RXRB: variants seen among roughly 807,000 people sequenced by gnomAD.
RXRB encodes the protein retinoic acid receptor RXR-beta.
A neutral mutation model predicts 52.5 loss-of-function variants in RXRB; 18 were observed. The observed-to-expected ratio is 0.34, with a 90% confidence interval of 0.24 to 0.51. The LOEUF is 0.51. Ranked by LOEUF, RXRB falls within the 20% of genes least tolerant of loss-of-function variation. The probability of loss-of-function intolerance (pLI) is 0.97; values close to 1 mark genes in which losing one functional copy is unlikely to be tolerated. For missense variants in RXRB, 455 were observed against 698.2 expected (o/e 0.65, Z 3.92); for synonymous variants, 233 against 267.1 (o/e 0.87, Z 1.25).
rs1313972516 is a variant in RXRB at position 33,200,034 on chromosome 6, C to T, written c.235+208G>A. 1.2e-6 allele frequency: 1 copy of T among 825,196 alleles called. No individual in the cohort carries two copies. Among genetic ancestry groups the T allele is most frequent in the Admixed American group, 1.7e-5 (1 of 59,072 alleles). The allele number at this position is 825,196 out of a possible 1,614,324, so 51.1% of individuals were successfully genotyped here. A position where few individuals can be genotyped will look rare whatever the true frequency, so the allele number is the denominator to read the frequency against. On this transcript the variant is annotated intron_variant, in intron 1 of 9. Coordinates refer to ENST00000374680, the MANE Select transcript of RXRB (RefSeq NM_021976.5). This position sits in a 1 kb window ranked among gnomAD's most constrained non-coding sequence, Gnocchi z 6.3. The stretch of plus-strand genomic sequence containing the variant: ...GCCCGCGACCTCCGGTGCCCAAGGC[C>T]TCAAGCGGTCACAGCTAGGAGGGCG...
rs1349362129 is a variant in RXRB at position 33,200,235 on chromosome 6, C to T, written c.235+7G>A. On this transcript the variant is annotated splice_region_variant and intron_variant, in intron 1 of 9. Transcript: ENST00000374680. The surrounding 1 kb of genome is among the most constrained non-coding windows in gnomAD (Gnocchi z 6.3). ...TGGCTCGCCTGCCCTTCTGCTGGGG[C>T]ACTCACCCCGCCCGCTGTCGCCCAT... 1 of 1,604,984 alleles carries T rather than the reference C, an allele frequency of 6.2e-7. No homozygotes were observed. The highest frequency in any genetic ancestry group is 8.5e-7 in the Non-Finnish European group (1 of 1,177,330).
rs774721704 is a variant in RXRB at position 33,195,571 on chromosome 6, G to C, written c.1255C>G (p.Arg419Gly). 2 of 1,613,064 alleles carry C rather than the reference G, an allele frequency of 1.2e-6. No individual in the cohort carries two copies. The highest frequency in any genetic ancestry group is 1.7e-6 in the Non-Finnish European group (2 of 1,180,028). Residue 419 changes from arginine to glycine, a missense_variant and splice_region_variant, in exon 7 of 10, where the codon CGG becomes GGG. Physicochemically the swap from Arg to Gly is moderately radical, Grantham distance 125. Transcript: ENST00000374680. The surrounding 1 kb of genome is among the most constrained non-coding windows in gnomAD (Gnocchi z 8.6). ...HSAGVGAIFD[R>G]VLTELVSKMR... ...CCAGCCTAGCCGAGGGCCACTGACC[G>C]ATCAAAGATGGCTCCTACTCCTGCT... is the stretch of plus-strand genomic sequence containing the variant.
Position 33,194,474 on chromosome 6 carries a change from A to C in RXRB, c.*208T>G. On this transcript the variant is annotated 3_prime_UTR_variant, in exon 10 of 10. Coordinates refer to ENST00000374680, the MANE Select transcript of RXRB (RefSeq NM_021976.5). This position sits in a 1 kb window ranked among gnomAD's most constrained non-coding sequence, Gnocchi z 4.1. ...TCAGAGACTCAAGGCCACCGAAGAG[A>C]GACAACCAGTCCTCACAGGTATCTG... is the stretch of plus-strand genomic sequence containing the variant. 1.9e-6 allele frequency: 1 copy of C among 534,452 alleles called. No individual in the cohort carries two copies. The highest frequency in any genetic ancestry group is 3.3e-6 in the Non-Finnish European group (1 of 306,736). 33.1% of individuals were successfully genotyped at this position (534,452 alleles called of 1,614,324 possible). A position where few individuals can be genotyped will look rare whatever the true frequency, so the allele number is the denominator to read the frequency against.
rs964686488 is a variant in RXRB at position 33,196,217 on chromosome 6, C to G, written c.994-181G>C. 4.2e-6 allele frequency: 4 copies of G among 942,402 alleles called. No individual in the cohort carries two copies. The highest frequency in any genetic ancestry group is 1.4e-5 in the South Asian group (1 of 69,986). The allele number at this position is 942,402 out of a possible 1,614,324, so 58.4% of individuals were successfully genotyped here. A position where few individuals can be genotyped will look rare whatever the true frequency, so the allele number is the denominator to read the frequency against. On this transcript the variant is annotated intron_variant, in intron 5 of 9. Coordinates refer to ENST00000374680, the MANE Select transcript of RXRB (RefSeq NM_021976.5). This position sits in a 1 kb window ranked among gnomAD's most constrained non-coding sequence, Gnocchi z 4.0. ...CAAACAATTATTTATTTGGGACATG[C>G]CTATGGTTCTGCCAGTGGGTTGTTT...
chr6:33,196,219 T>A lies in RXRB; in HGVS notation c.994-183A>T. ...AACAATTATTTATTTGGGACATGCC[T>A]ATGGTTCTGCCAGTGGGTTGTTTGG... On this transcript the variant is annotated intron_variant, in intron 5 of 9. Transcript: ENST00000374680. The surrounding 1 kb of genome is among the most constrained non-coding windows in gnomAD (Gnocchi z 4.0). 1.1e-6 allele frequency: 1 copy of A among 939,596 alleles called. No homozygotes were observed. Among genetic ancestry groups the A allele is most frequent in the Non-Finnish European group, 1.7e-6 (1 of 599,870 alleles). 58.2% of individuals were successfully genotyped at this position (939,596 alleles called of 1,614,324 possible). A position where few individuals can be genotyped will look rare whatever the true frequency, so the allele number is the denominator to read the frequency against.
Position 33,199,354 on chromosome 6 carries a change from G to A in RXRB, c.298C>T (p.Pro100Ser). The change falls in exon 2 of 10, where the codon CCT (proline) becomes TCT (serine). Residue 100 changes from proline to serine, a missense_variant. Transcript: ENST00000374680. ...GAAGGGGGTAGGGGTGGCCCAGGAG[G>A]AGAAGGGGGAGGGACTCCCTGGGGA... is the stretch of plus-strand genomic sequence containing the variant. ...PLPQGVPPPS[P>S]PGPPLPPSTA... 8.1e-7 allele frequency: 1 copy of A among 1,228,492 alleles called. No homozygotes were observed. The highest frequency in any genetic ancestry group is 1.0e-6 in the Non-Finnish European group (1 of 971,988). The allele number at this position is 1,228,492 out of a possible 1,614,324, so 76.1% of individuals were successfully genotyped here.
At position 33,195,122 on chromosome 6, in the gene RXRB, G is replaced by C; in HGVS notation, c.1349-72C>G. On this transcript the variant is annotated intron_variant, in intron 8 of 9. Coordinates refer to ENST00000374680, the MANE Select transcript of RXRB (RefSeq NM_021976.5). This position sits in a 1 kb window ranked among gnomAD's most constrained non-coding sequence, Gnocchi z 8.6. ...AATCAGGATGGCCATGCAGATGTGA[G>C]CCACAGGATGCCCCTTTTGGGCTGC... 1 of 1,106,824 alleles carries C rather than the reference G, an allele frequency of 9.0e-7. No homozygotes were observed. The highest frequency in any genetic ancestry group is 1.4e-6 in the Non-Finnish European group (1 of 726,860). The allele number at this position is 1,106,824 out of a possible 1,614,324, so 68.6% of individuals were successfully genotyped here. A position where few individuals can be genotyped will look rare whatever the true frequency, so the allele number is the denominator to read the frequency against.
Position 33,199,394 on chromosome 6 carries a change from G to A in RXRB, c.258C>T (p.Ser86=). The A allele has an allele frequency of 8.0e-7, 1 of 1,252,590 alleles. No homozygotes were observed. Among genetic ancestry groups the A allele is most frequent in the Non-Finnish European group, 1.0e-6 (1 of 990,224 alleles). The allele number at this position is 1,252,590 out of a possible 1,614,324, so 77.6% of individuals were successfully genotyped here. ...CTCCCTGGGGAAGGGGATTTGGGGA[G>A]GAGCTGTCTGGGCTTCGGGAGTCTG... is the stretch of plus-strand genomic sequence containing the variant. ...SGRDSRSPDS[S]SPNPLPQGVP... The change falls in exon 2 of 10, where the codon TCC becomes TCT. Residue 86 remains serine, a synonymous_variant. Coordinates refer to ENST00000374680, the MANE Select transcript of RXRB (RefSeq NM_021976.5).
chr6:33,200,527 G>A lies in RXRB; in HGVS notation c.-51C>T. ...CGAAGAGGTCCCAGGGATTCCCAAG[G>A]ATTGATCGGAGGATTAGCTGAGCAC... On this transcript the variant is annotated 5_prime_UTR_variant, in exon 1 of 10. Coordinates refer to ENST00000374680, the MANE Select transcript of RXRB (RefSeq NM_021976.5). The surrounding 1 kb of genome is among the most constrained non-coding windows in gnomAD (Gnocchi z 6.3). 2 of 1,535,310 alleles carry A rather than the reference G, an allele frequency of 1.3e-6. No homozygotes were observed. The highest frequency in any genetic ancestry group is 1.8e-6 in the Non-Finnish European group (2 of 1,142,034).
At position 33,194,543 on chromosome 6, in the gene RXRB, T is replaced by G; in HGVS notation, c.*139A>C. The G allele has an allele frequency of 2.4e-6, 2 of 850,550 alleles. No homozygotes were observed. Among genetic ancestry groups the G allele is most frequent in the Non-Finnish European group, 3.5e-6 (2 of 571,008 alleles). The allele number at this position is 850,550 out of a possible 1,614,324, so 52.7% of individuals were successfully genotyped here. A position where few individuals can be genotyped will look rare whatever the true frequency, so the allele number is the denominator to read the frequency against. On this transcript the variant is annotated 3_prime_UTR_variant, in exon 10 of 10. Transcript: ENST00000374680. The surrounding 1 kb of genome is among the most constrained non-coding windows in gnomAD (Gnocchi z 4.1). Reference sequence around the variant, plus strand: ...GATATCAAGCAGATCCCTTGGAGGGTTTATGTTCTTGGTTCTGCCCTGTAC... The same window carrying G: ...GATATCAAGCAGATCCCTTGGAGGGGTTATGTTCTTGGTTCTGCCCTGTAC...
In RXRB at chr6:33,194,999, ACT is replaced by A; in HGVS notation, c.1398_1399del (p.Lys466AsnfsTer15). ...GCAGTAGGTCTCCAGTGATGCATAC[ACT>A]TTCTCCCGCAGGACCTCCACCTCAC... On this transcript the variant is annotated frameshift_variant, in exon 9 of 10. Coordinates refer to ENST00000374680, the MANE Select transcript of RXRB (RefSeq NM_021976.5). LOFTEE classifies it high-confidence loss of function. This position sits in a 1 kb window ranked among gnomAD's most constrained non-coding sequence, Gnocchi z 4.1. The A allele has an allele frequency of 6.2e-7, 1 of 1,612,882 alleles. No homozygotes were observed. The highest frequency in any genetic ancestry group is 8.5e-7 in the Non-Finnish European group (1 of 1,179,998).
Position 33,199,350 on chromosome 6 carries a change from G to C in RXRB, c.302C>G (p.Pro101Arg). ...LPQGVPPPSP[P>R]GPPLPPSTAP... Reference sequence around the variant, plus strand: ...TGTTGAAGGGGGTAGGGGTGGCCCAGGAGGAGAAGGGGGAGGGACTCCCTG... The same window carrying C: ...TGTTGAAGGGGGTAGGGGTGGCCCACGAGGAGAAGGGGGAGGGACTCCCTG... Residue 101 changes from proline to arginine, a missense_variant, in exon 2 of 10, where the codon CCT (proline) becomes CGT (arginine). Physicochemically the swap from Pro to Arg is moderately radical, Grantham distance 103 (BLOSUM62 -2). Coordinates refer to ENST00000374680, the MANE Select transcript of RXRB (RefSeq NM_021976.5). 8.1e-7 allele frequency: 1 copy of C among 1,231,990 alleles called. No individual in the cohort carries two copies. The highest frequency in any genetic ancestry group is 1.0e-6 in the Non-Finnish European group (1 of 973,260). 76.3% of individuals were successfully genotyped at this position (1,231,990 alleles called of 1,614,324 possible).
At position 33,200,660 on chromosome 6, in the gene RXRB, G is replaced by A. The variant is rs1482071548; in HGVS notation, c.-184C>T. ...CCAATGTGGCAGCCATCTTTGTACA[G>A]ACGGGAAGTCTCGGCGCGAGTTCCC... On this transcript the variant is annotated 5_prime_UTR_variant, in exon 1 of 10. Transcript: ENST00000374680. The surrounding 1 kb of genome is among the most constrained non-coding windows in gnomAD (Gnocchi z 6.3). 6.5e-7 allele frequency: 1 copy of A among 1,536,580 alleles called. No individual in the cohort carries two copies. Among genetic ancestry groups the A allele is most frequent in the African/African-American group, 1.4e-5 (1 of 72,866 alleles).
chr6:33,194,873 C>T lies in RXRB; in HGVS notation c.1455-44G>A, dbSNP rs768662176. The T allele has an allele frequency of 2.1e-5, 34 of 1,611,570 alleles. No individual in the cohort carries two copies. The highest frequency in any genetic ancestry group is 2.5e-5 in the Non-Finnish European group (30 of 1,179,208). On this transcript the variant is annotated intron_variant, in intron 9 of 9. Coordinates refer to ENST00000374680, the MANE Select transcript of RXRB (RefSeq NM_021976.5). This position sits in a 1 kb window ranked among gnomAD's most constrained non-coding sequence, Gnocchi z 4.1. Reference sequence around the variant, plus strand: ...AAGGGGATTGAGAGCTGGAAGCACACGGGCCCTGAACACATCCTCATAGCA... The same window carrying T: ...AAGGGGATTGAGAGCTGGAAGCACATGGGCCCTGAACACATCCTCATAGCA...
chr6:33,199,506 C>A, intron 1 of RXRB, 90 bp from the exon 2 acceptor site: 2 of 1,033,814 alleles, frequency 1.9e-6, no homozygotes, highest in Non-Finnish European at 2.6e-6. Context: ...CAACTAGAGA[C>A]TTTAATTCTC....
At chr6:33,199,544 C>G in intron 1 of RXRB, 128 bp from the exon 2 acceptor site, 1 of 682,174 alleles carries the variant, frequency 1.5e-6, no homozygotes, top group Non-Finnish European at 2.2e-6. Context: ...GGACCCAGCC[C>G]ACTCCACCCA....
At position 33,200,209 on chromosome 6, in the gene RXRB, C is replaced by T. The variant is rs2744516; in HGVS notation, c.235+33G>A. ...GGAGGGGTCGCAGATAAAGCGGTCA[C>T]TGGCTCGCCTGCCCTTCTGCTGGGG... On this transcript the variant is annotated intron_variant, in intron 1 of 9. Coordinates refer to ENST00000374680, the MANE Select transcript of RXRB (RefSeq NM_021976.5). The surrounding 1 kb of genome is among the most constrained non-coding windows in gnomAD (Gnocchi z 6.3). 1.3e-6 allele frequency: 2 copies of T among 1,599,932 alleles called. No individual in the cohort carries two copies. Among genetic ancestry groups the T allele is most frequent in the Admixed American group, 1.7e-5 (1 of 59,610 alleles).
Position 33,197,885 on chromosome 6 carries a change from T to C in RXRB, c.697A>G (p.Ile233Val), listed in dbSNP as rs1452177697. ...CAAGAGTATGTAAGGTCTTTGCGGA[T>C]GGTGCGTTTGAAGAAGCCCTTGCAA... ...EGCKGFFKRT[I>V]RKDLTYSCRD... The change falls in exon 4 of 10, where the codon ATC becomes GTC. Residue 233 changes from isoleucine (I) to valine (V), a missense_variant. This residue lies in a region of RXRB where 100 missense variants were observed against 141.9 expected (regional missense o/e 0.70). Coordinates refer to ENST00000374680, the MANE Select transcript of RXRB (RefSeq NM_021976.5). This position sits in a 1 kb window ranked among gnomAD's most constrained non-coding sequence, Gnocchi z 4.4. The C allele has an allele frequency of 5.0e-6, 8 of 1,613,614 alleles. No homozygotes were observed. The highest frequency in any genetic ancestry group is 6.8e-6 in the Non-Finnish European group (8 of 1,180,028).
In RXRB at chr6:33,196,428, A is replaced by G. The variant is rs773198637; in HGVS notation, c.993+6T>C. 1 of 1,612,378 alleles carries G rather than the reference A, an allele frequency of 6.2e-7. No homozygotes were observed. Among genetic ancestry groups the G allele is most frequent in the Non-Finnish European group, 8.5e-7 (1 of 1,179,754 alleles). ...CGAAGGAGAGTGGATTGACCCCAAC[A>G]CTCACGCTGCTGCCGCTACCCCCGG... On this transcript the variant is annotated splice_donor_region_variant and intron_variant, in intron 5 of 9. Transcript: ENST00000374680. This position sits in a 1 kb window ranked among gnomAD's most constrained non-coding sequence, Gnocchi z 4.0.
Sources: allele counts gnomAD v4.1 joint callset, GRCh38; gene constraint gnomAD v4.1.1; regional missense constraint gnomAD v4.1.1; non-coding constraint Gnocchi (gnomAD v3.1); transcripts MANE v1.5; gene names NCBI Gene and HGNC (gene_info 2026-07-23, HGNC 2026-07-21).